TECPR1: variants seen among roughly 807,000 people sequenced by gnomAD.
The protein encoded by TECPR1 is tectonin beta-propeller repeat containing 1.
In TECPR1, 122 loss-of-function variants were observed where a neutral mutation model predicts 162.4. The ratio of observed to expected loss-of-function variants is 0.75; its 90% CI spans 0.65 to 0.87. TECPR1 has a LOEUF of 0.87. TECPR1 is among the 40% of genes least tolerant of loss of function. The probability of loss-of-function intolerance (pLI) is 0.00; values close to 1 mark genes in which losing one functional copy is unlikely to be tolerated. For synonymous variants in TECPR1, 642 were observed against 670.6 expected, an observed-to-expected ratio of 0.96 and a Z score of 0.66; for missense variants, 1,432 against 1,618.2, an observed-to-expected ratio of 0.88 and a Z score of 1.97.
intron 23 of TECPR1, among the ~76,000 whole-genome samples, chr7:98,218,401 C>T (rs1278381946): frequency 6.6e-6 from 1 of 152,154 alleles, no homozygotes; most frequent in Admixed American, 6.5e-5. Flanking sequence ...AAAGAAAGGG[C>T]ATCCAAATCG....
intron 15 of TECPR1, among the ~76,000 whole-genome samples, chr7:98,230,022 G>A (rs1179450809): frequency 1.4e-5 from 2 of 146,462 alleles, no homozygotes; most frequent in Admixed American, 1.4e-4. Flanking sequence ...ACAGGGTCTC[G>A]CTGTGTTGCC....
intron 10 of TECPR1, among the ~76,000 whole-genome samples, chr7:98,235,441 C>T (rs1480314905): frequency 6.7e-6 from 1 of 149,110 alleles, no homozygotes; most frequent in Non-Finnish European, 1.5e-5. Flanking sequence ...AGGAGAATGG[C>T]GTGAACCCTG....
chr7:98,225,120 G>A lies in TECPR1; in HGVS notation c.2514-18C>T, dbSNP rs760117608. The A allele has an allele frequency of 3.2e-6, 5 of 1,556,132 alleles. No individual in the cohort carries two copies. The South Asian group carries it at 3.6e-5, about 11-fold the overall frequency. ...GCAGACCCCTGCGGCAGGACAACAG[G>A]GCAGGTGACGAGGGAGACTGGGGAA... On this transcript the variant is annotated intron_variant, in intron 17 of 25. Transcript: ENST00000447648.
Position 98,244,595 on chromosome 7 carries a change from G to A in TECPR1, c.507C>T (p.Tyr169=). ...RRRKWIRYRR[Y]KSRDIWAKIP... ...CCTTGGCCCAGATGTCCCGGGACTT[G>A]TATCTCCTGTACCGGATCCACTTCC... Residue 169 remains tyrosine (Y), a synonymous_variant, in exon 5 of 26, where the codon TAC becomes TAT. Coordinates refer to ENST00000447648, the MANE Select transcript of TECPR1 (RefSeq NM_015395.3). The A allele has an allele frequency of 6.2e-7, 1 of 1,611,678 alleles. No individual in the cohort carries two copies. Among genetic ancestry groups the A allele is most frequent in the Non-Finnish European group, 8.5e-7 (1 of 1,178,654 alleles).
chr7:98,230,319 C>T (rs1387660386), intron 15 of TECPR1, among the ~76,000 whole-genome samples: 1 of 152,016 alleles, frequency 6.6e-6, no homozygotes, highest in East Asian at 1.9e-4. Flanking sequence ...CCTTGTGGCT[C>T]TCAATGTCCC....
chr7:98,220,564 CT>C (rs112300518), intron 23 of TECPR1, among the ~76,000 whole-genome samples: 3,140 of 123,772 alleles, frequency 0.025, 105 homozygotes, highest in African/African-American at 0.082. Context: ...CCACATCTGG[CT>C]TTTTTTTTTT....
chr7:98,217,655 G>A (rs1319688478), intron 25 of TECPR1, 37 bp downstream of exon 25: 1 of 1,522,304 alleles, frequency 6.6e-7, no homozygotes, highest in South Asian at 1.2e-5. Flanking sequence ...GCAGGCACAA[G>A]GTGATAACAC....
chr7:98,234,686 C>G (rs183286173), intron 10 of TECPR1, among the ~76,000 whole-genome samples: 1 of 148,460 alleles, frequency 6.7e-6, no homozygotes, highest in Admixed American at 6.7e-5. Flanking sequence ...TCCATGTTCT[C>G]ACTAGCATTT....
Position 98,214,687 on chromosome 7 carries a change from A to G in TECPR1, c.*2703T>C, listed in dbSNP as rs1040968910. Reference sequence around the variant, plus strand: ...GAATGGACCGACGAGCTGAGCCTGAAAGCCCAGAAGAGCCTCGGTCCAGAA... The same window carrying G: ...GAATGGACCGACGAGCTGAGCCTGAGAGCCCAGAAGAGCCTCGGTCCAGAA... On this transcript the variant is annotated 3_prime_UTR_variant, in exon 26 of 26. Coordinates refer to ENST00000447648, the MANE Select transcript of TECPR1 (RefSeq NM_015395.3). 5.3e-5 allele frequency: 8 copies of G among 152,324 alleles called. No individual in the cohort carries two copies. The highest frequency in any genetic ancestry group is 1.4e-4 in the African/African-American group (6 of 41,554). The allele number at this position is 152,324 out of a possible 1,614,324, so 9.4% of individuals were successfully genotyped here.
At chr7:98,225,169 C>G in intron 17 of TECPR1, 67 bp from the exon 18 acceptor site, 1 of 1,388,228 alleles carries the variant, frequency 7.2e-7, no homozygotes. Context: ...TCAGACACCC[C>G]CATAACACCC....
chr7:98,233,808 G>A lies in TECPR1; in HGVS notation c.1285C>T (p.Leu429Phe). 1.9e-6 allele frequency: 3 copies of A among 1,607,470 alleles called. No homozygotes were observed. The highest frequency in any genetic ancestry group is 2.2e-5 in the South Asian group (2 of 90,072). ...GAATCGTCTAGAGGTTCTGCAGGGA[G>A]AATCTGGCCAGGCCCTGGTCTCTCG... ...EVERPGPGQI[L>F]PAEPLDDSKN... The change falls in exon 11 of 26, where the codon CTC becomes TTC. Residue 429 changes from leucine (L) to phenylalanine (F), a missense_variant. By Grantham distance (22) the Leu-to-Phe change is conservative. Transcript: ENST00000447648.
At chr7:98,228,220 C>T in intron 16 of TECPR1, 104 bp from the exon 17 acceptor site, 1 of 912,308 alleles carries the variant, frequency 1.1e-6, no homozygotes, top group Non-Finnish European at 1.7e-6. Flanking sequence ...GGAGGGCGGG[C>T]TGGAGCCAGG....
At chr7:98,242,812 C>T (rs201360738) in intron 6 of TECPR1, among the ~76,000 whole-genome samples, 102 of 123,556 alleles carry the variant, frequency 8.3e-4, no homozygotes, top group South Asian at 4.0e-3. Flanking sequence ...TCCATCCATC[C>T]GCACACCCAC....
In TECPR1 at chr7:98,216,172, C is replaced by G. The variant is rs575108200; in HGVS notation, c.*1218G>C. The G allele has an allele frequency of 3.3e-5, 5 of 152,312 alleles. No homozygotes were observed. Among genetic ancestry groups the G allele is most frequent in the African/African-American group, 9.7e-5 (4 of 41,438 alleles). 9.4% of individuals were successfully genotyped at this position (152,312 alleles called of 1,614,324 possible). A position where few individuals can be genotyped will look rare whatever the true frequency, so the allele number is the denominator to read the frequency against. On this transcript the variant is annotated 3_prime_UTR_variant, in exon 26 of 26. Transcript: ENST00000447648. Reference sequence around the variant, plus strand: ...CGGGATGGGGTCGGGGCCACTTGGCCGACACCTTCTGCCTCGCCTGGCCGG... The same window carrying G: ...CGGGATGGGGTCGGGGCCACTTGGCGGACACCTTCTGCCTCGCCTGGCCGG...
At position 98,216,933 on chromosome 7, in the gene TECPR1, T is replaced by C. The variant is rs1196398924; in HGVS notation, c.*457A>G. The C allele has an allele frequency of 6.1e-6, 1 of 164,624 alleles. No homozygotes were observed. Among genetic ancestry groups the C allele is most frequent in the Admixed American group, 5.7e-5 (1 of 17,568 alleles). The allele number at this position is 164,624 out of a possible 1,614,324, so 10.2% of individuals were successfully genotyped here. A position where few individuals can be genotyped will look rare whatever the true frequency, so the allele number is the denominator to read the frequency against. ...TCTGAGAAATGGTCACTGCACATGGTAAAGAGGCCCTGAGCCCCATGGCCA... is the reference window on the plus strand; with the variant it reads ...TCTGAGAAATGGTCACTGCACATGGCAAAGAGGCCCTGAGCCCCATGGCCA... On this transcript the variant is annotated 3_prime_UTR_variant, in exon 26 of 26. Transcript: ENST00000447648.
At chr7:98,238,690 C>A in intron 8 of TECPR1, 80 bp from the exon 9 acceptor site, 1 of 1,152,974 alleles carries the variant, frequency 8.7e-7, no homozygotes, top group South Asian at 1.3e-5. Context: ...TCAGGGAGAA[C>A]AAGTGAATAA....
Position 98,221,756 on chromosome 7 carries a change from G to A in TECPR1, c.3065-3C>T. ...CGGGATGTGGTACCAGCAGTCACCT[G>A]CGAAGGGGAGGCTGACTCAGGCACG... On this transcript the variant is annotated splice_polypyrimidine_tract_variant and splice_region_variant and intron_variant, in intron 22 of 25. Coordinates refer to ENST00000447648, the MANE Select transcript of TECPR1 (RefSeq NM_015395.3). 1 of 1,611,172 alleles carries A rather than the reference G, an allele frequency of 6.2e-7. No homozygotes were observed. The highest frequency in any genetic ancestry group is 8.5e-7 in the Non-Finnish European group (1 of 1,178,710).
intron 23 of TECPR1, among the ~76,000 whole-genome samples, chr7:98,221,217 G>A (rs931346274): frequency 7.2e-5 from 11 of 152,134 alleles, no homozygotes; most frequent in Middle Eastern, 3.4e-3. Context: ...CAGGAGAATC[G>A]CTTGAACTCA....
At chr7:98,249,649 T>C (rs1799008958) in intron 2 of TECPR1, among the ~76,000 whole-genome samples, 1 of 152,076 alleles carries the variant, frequency 6.6e-6, no homozygotes, top group Non-Finnish European at 1.5e-5. Context: ...AATTTCCTAA[T>C]CTATAAAAGG....
Sources: gnomAD v4.1 joint callset for allele counts (sites outside exome capture counted in the v4.1 genomes callset) on GRCh38, gnomAD v4.1.1 for gene constraint, MANE v1.5 for transcripts, NCBI Gene and HGNC (gene_info 2026-07-23, HGNC 2026-07-21) for gene names.